Variants in CCSER1 observed in about 807,000 individuals in gnomAD.
CCSER1 encodes coiled-coil serine rich protein 1, also known as serine-rich coiled-coil domain-containing protein 1.
A neutral mutation model predicts 82.0 loss-of-function variants in CCSER1; 41 were observed. That is an observed-to-expected ratio of 0.50 (90% CI 0.39 to 0.65). The LOEUF (loss-of-function observed/expected upper bound fraction) is 0.65, where lower values mean the gene tolerates loss of function less well. CCSER1 is among the 30% of genes least tolerant of loss of function. The pLI, the probability that CCSER1 is intolerant of heterozygous loss-of-function variation, is 0.00. For missense variants in CCSER1, 1,119 were observed against 1,064.2 expected (o/e 1.05, Z -0.72); for synonymous variants, 414 against 383.9 (o/e 1.08, Z -0.92).
chr4:90,919,218 T>C (rs1483354230), intron 8 of CCSER1, among the ~76,000 whole-genome samples: 1 of 151,852 alleles, frequency 6.6e-6, no homozygotes, highest in Admixed American at 6.6e-5. Context: ...AAAATATATA[T>C]TTGATATGTT....
chr4:90,160,513 A>C (rs1301122462), intron 1 of CCSER1, among the ~76,000 whole-genome samples: 1 of 152,216 alleles, frequency 6.6e-6, no homozygotes, highest in African/African-American at 2.4e-5. Context: ...AAGATGGCTA[A>C]ATTCTCTGGT....
intron 6 of CCSER1, among the ~76,000 whole-genome samples, chr4:90,704,794 G>A (rs969376560): frequency 3.3e-5 from 5 of 152,172 alleles, no homozygotes; most frequent in African/African-American, 9.7e-5. Flanking sequence ...CATTTGTCAC[G>A]TAGTTCTCAT....
chr4:91,268,502 T>G (rs2149177618), intron 10 of CCSER1, among the ~76,000 whole-genome samples: 1 of 152,314 alleles, frequency 6.6e-6, no homozygotes, highest in South Asian at 2.1e-4. Flanking sequence ...ATGGTCTCAG[T>G]TTTCACTGCA....
chr4:90,315,853 T>C (rs888091300), intron 3 of CCSER1, among the ~76,000 whole-genome samples: 10 of 152,350 alleles, frequency 6.6e-5, no homozygotes, highest in African/African-American at 2.4e-4. Flanking sequence ...ATATGTTTTT[T>C]AACTTGTAGC....
intron 1 of CCSER1, among the ~76,000 whole-genome samples, chr4:90,149,574 C>A (rs772903135): frequency 6.6e-6 from 1 of 152,060 alleles, no homozygotes; most frequent in African/African-American, 2.4e-5. Flanking sequence ...ATGTGTTAAT[C>A]TTTGAGAAAG....
At chr4:90,608,812 C>A (rs768383949) in intron 5 of CCSER1, among the ~76,000 whole-genome samples, 1 of 151,930 alleles carries the variant, frequency 6.6e-6, no homozygotes, top group Non-Finnish European at 1.5e-5. Context: ...GATTGTCCTG[C>A]TTCTGTAGAA....
At chr4:90,246,191 C>G (rs946634247) in intron 1 of CCSER1, among the ~76,000 whole-genome samples, 1 of 151,932 alleles carries the variant, frequency 6.6e-6, no homozygotes, top group African/African-American at 2.4e-5. Context: ...AACATTTTGT[C>G]CTTAAAAATA....
intron 10 of CCSER1, among the ~76,000 whole-genome samples, chr4:91,579,304 G>C (rs914367510): frequency 2.0e-5 from 3 of 151,340 alleles, no homozygotes; most frequent in Admixed American, 6.6e-5. Flanking sequence ...ATAATGGTGG[G>C]GATAGGACTC....
intron 8 of CCSER1, among the ~76,000 whole-genome samples, chr4:90,873,286 C>T (rs1374846336): frequency 2.0e-5 from 3 of 151,904 alleles, no homozygotes; most frequent in Non-Finnish European, 2.9e-5. Context: ...TCTTTTGCCT[C>T]CTCTGACTGT....
intron 9 of CCSER1, among the ~76,000 whole-genome samples, chr4:90,926,637 A>G (rs896427226): frequency 6.6e-6 from 1 of 151,894 alleles, no homozygotes; most frequent in African/African-American, 2.4e-5. Context: ...ATGTGCTCTG[A>G]CTTCTAACGC....
chr4:91,552,145 C>G (rs1470797175), intron 10 of CCSER1, among the ~76,000 whole-genome samples: 1 of 149,182 alleles, frequency 6.7e-6, no homozygotes, highest in Non-Finnish European at 1.5e-5. Flanking sequence ...GCTCAGATGG[C>G]TAAACTACCC....
At chr4:91,364,207 C>G (rs908477310) in intron 10 of CCSER1, among the ~76,000 whole-genome samples, 1 of 151,972 alleles carries the variant, frequency 6.6e-6, no homozygotes, top group Non-Finnish European at 1.5e-5. Context: ...TTTTAAATAG[C>G]ATAGTGCAGT....
At chr4:90,542,441 A>AT (rs1776226787) in intron 5 of CCSER1, among the ~76,000 whole-genome samples, 1 of 152,208 alleles carries the variant, frequency 6.6e-6, no homozygotes, top group East Asian at 1.9e-4. Context: ...TTGCTATGGG[A>AT]TAACATTGCA....
At chr4:90,248,594 C>T (rs146748212) in intron 1 of CCSER1, among the ~76,000 whole-genome samples, 191 of 152,090 alleles carry the variant, frequency 1.3e-3, no homozygotes, top group Middle Eastern at 0.01. Flanking sequence ...TGTAACTCTC[C>T]GATGCTACTT....
At chr4:90,590,074 G>C (rs1782508777) in intron 5 of CCSER1, among the ~76,000 whole-genome samples, 1 of 152,098 alleles carries the variant, frequency 6.6e-6, no homozygotes, top group African/African-American at 2.4e-5. Flanking sequence ...AGGAGTTCCA[G>C]ACAAGCCTGG....
chr4:90,546,948 T>G (rs1776833547), intron 5 of CCSER1, among the ~76,000 whole-genome samples: 2 of 152,070 alleles, frequency 1.3e-5, no homozygotes. Flanking sequence ...TTCCAAAGCC[T>G]AATGAGTAAG....
rs940029802 is a variant in CCSER1 at position 90,461,299 on chromosome 4, C to T, written c.1604-6935C>T. Reference sequence around the variant, plus strand: ...AGCCGGGATGGTCTCGATCTCCTGACCTCGTGATCCGCCCGCCTCGGCCTC... The same window carrying T: ...AGCCGGGATGGTCTCGATCTCCTGATCTCGTGATCCGCCCGCCTCGGCCTC... On this transcript the variant is annotated intron_variant, in intron 4 of 10. Transcript: ENST00000509176. 1.7e-5 allele frequency among the ~76,000 whole-genome samples: 2 copies of T among 117,242 alleles called. 1 individual carries two copies. The highest frequency in any genetic ancestry group is 9.3e-5 in the African/African-American group (2 of 21,526). 76.9% of individuals were successfully genotyped at this position (117,242 alleles called of 152,430 possible).
At chr4:90,479,577 C>T (rs2153596913) in intron 5 of CCSER1, among the ~76,000 whole-genome samples, 1 of 151,982 alleles carries the variant, frequency 6.6e-6, no homozygotes, top group South Asian at 2.1e-4. Context: ...CTTCCTCTGT[C>T]CATGTGTACT....
At chr4:91,057,232 A>G (rs1159103267) in intron 9 of CCSER1, among the ~76,000 whole-genome samples, 1 of 152,116 alleles carries the variant, frequency 6.6e-6, no homozygotes, top group African/African-American at 2.4e-5. Context: ...ATGGGTAGCT[A>G]TTGACTAGTT....
Sources: allele counts gnomAD v4.1 joint callset (sites outside exome capture counted in the v4.1 genomes callset), GRCh38; gene constraint gnomAD v4.1.1; transcripts MANE v1.5; gene names NCBI Gene and HGNC (gene_info 2026-07-23, HGNC 2026-07-21).